Variants in SHROOM4 observed in about 807,000 individuals in gnomAD.
SHROOM4 encodes the protein shroom family member 4.
SHROOM4 carries 17 observed loss-of-function variants against 80.3 expected under a neutral mutation model. The observed-to-expected ratio is 0.21, with a 90% confidence interval of 0.14 to 0.32. The LOEUF is 0.32. Among genes scored for constraint, SHROOM4 ranks in the 10% least tolerant of loss-of-function variants. The pLI, the probability that SHROOM4 is intolerant of heterozygous loss-of-function variation, is 1.00. For missense variants in SHROOM4, 993 were observed against 1,140.3 expected (o/e 0.87, Z 1.86); for synonymous variants, 400 against 437.5 (o/e 0.91, Z 1.07).
At chrX:50,767,456 C>T (rs1935301445) in intron 1 of SHROOM4, among the ~76,000 whole-genome samples, 1 of 110,735 alleles carries the variant, frequency 9.0e-6, no homozygotes, top group African/African-American at 3.3e-5. Flanking sequence ...CTCAAACCCA[C>T]CCATCCTGCC....
intron 2 of SHROOM4, among the ~76,000 whole-genome samples, chrX:50,645,374 C>A (rs1557257774): frequency 8.9e-6 from 1 of 112,237 alleles, no homozygotes; most frequent in Non-Finnish European, 1.9e-5. Context: ...AGTGGCCCAG[C>A]CCATGCAAAC....
intron 2 of SHROOM4, among the ~76,000 whole-genome samples, chrX:50,654,133 A>G (rs782147976): frequency 8.9e-6 from 1 of 111,838 alleles, no homozygotes; most frequent in Non-Finnish European, 1.9e-5. Context: ...CTTAAAAAGT[A>G]TTTAGGTTCC....
At chrX:50,618,005 A>G (rs1160997042) in intron 5 of SHROOM4, among the ~76,000 whole-genome samples, 4 of 111,680 alleles carry the variant, frequency 3.6e-5, no homozygotes, top group African/African-American at 1.3e-4. Context: ...GGGGAGCAAA[A>G]CCAATGTTGC....
At chrX:50,656,181 C>A (rs1032186043) in intron 2 of SHROOM4, among the ~76,000 whole-genome samples, 2 of 111,613 alleles carry the variant, frequency 1.8e-5, no homozygotes, top group Non-Finnish European at 3.8e-5. Context: ...ATATGATTTG[C>A]AAATATTTTC....
At position 50,607,687 on chromosome X, in the gene SHROOM4, GCCTCCT is replaced by G. The variant is rs782326752; in HGVS notation, c.3449_3454del (p.Glu1150_Glu1151del). 2.5e-6 allele frequency: 3 copies of G among 1,179,495 alleles called. No individual in the cohort carries two copies. Among genetic ancestry groups the G allele is most frequent in the African/African-American group, 3.6e-5 (2 of 55,772 alleles). On this transcript the variant is annotated inframe_deletion, in exon 6 of 9. Transcript: ENST00000376020. ...TGGCAGCTCCTCTTCCTCCTCCTCT[GCCTCCT>G]CCTCCTCCTCTTCCTCTTCCTCTTC...
chrX:50,576,664 C>CCT, the SHROOM4 span, among the ~76,000 whole-genome samples: 1 of 110,555 alleles, frequency 9.0e-6, no homozygotes, highest in Admixed American at 9.7e-5. Context: ...TTTCATTTCT[C>CCT]TGTTTTATTT....
At chrX:50,628,368 T>C (rs781922952) in intron 4 of SHROOM4, among the ~76,000 whole-genome samples, 181 of 111,533 alleles carry the variant, frequency 1.6e-3, no homozygotes, top group African/African-American at 5.7e-3. Flanking sequence ...CTTTTTTTTT[T>C]CTAGGCCAAG....
At chrX:50,674,169 T>C (rs1932827846) in intron 2 of SHROOM4, among the ~76,000 whole-genome samples, 1 of 111,409 alleles carries the variant, frequency 9.0e-6, no homozygotes, top group African/African-American at 3.3e-5. Context: ...TAATCCTCTC[T>C]AAATGTTTAT....
At chrX:50,765,406 T>A (rs1557269262) in intron 1 of SHROOM4, among the ~76,000 whole-genome samples, 1 of 111,887 alleles carries the variant, frequency 8.9e-6, no homozygotes, top group Non-Finnish European at 1.9e-5. Context: ...TGTTTTCCCA[T>A]AACTGAATAT....
chrX:50,732,199 CA>C (rs1288134729), intron 1 of SHROOM4, among the ~76,000 whole-genome samples: 1 of 111,638 alleles, frequency 9.0e-6, no homozygotes, highest in Non-Finnish European at 1.9e-5. Flanking sequence ...ACAGTCATTC[CA>C]GGGTGATTGT....
intron 1 of SHROOM4, among the ~76,000 whole-genome samples, chrX:50,698,476 G>T: frequency 8.9e-6 from 1 of 111,884 alleles, no homozygotes; most frequent in Non-Finnish European, 1.9e-5. Context: ...TAATCCAAGA[G>T]TTCAGAAGGG....
At chrX:50,775,468 T>C (rs1569548884) in intron 1 of SHROOM4, among the ~76,000 whole-genome samples, 2 of 110,962 alleles carry the variant, frequency 1.8e-5, no homozygotes, top group African/African-American at 6.6e-5. Context: ...GGTTAACCAG[T>C]AGACAGTCCA....
chrX:50,621,247 A>C lies in SHROOM4; in HGVS notation c.2957+6367T>G, dbSNP rs1288503848. On this transcript the variant is annotated intron_variant, in intron 5 of 8. Transcript: ENST00000376020. ...TGTTTCCAGTGTGTCCTATATACTT[A>C]AAATAGCTTGAGTCTGTTTCTAGAA... Among the ~76,000 whole-genome samples, 4 of 112,122 alleles carry C rather than the reference A, an allele frequency of 3.6e-5. No homozygotes were observed. The Admixed American group carries it at 3.8e-4, about 11-fold the overall frequency.
At chrX:50,623,299 TG>T (rs1168501748) in intron 5 of SHROOM4, among the ~76,000 whole-genome samples, 1 of 111,415 alleles carries the variant, frequency 9.0e-6, no homozygotes, top group African/African-American at 3.3e-5. Context: ...GCGATTCTCC[TG>T]CCTCAGCCTC....
chrX:50,601,691 GACA>G (rs1430716221), intron 7 of SHROOM4, among the ~76,000 whole-genome samples: 1 of 111,855 alleles, frequency 8.9e-6, no homozygotes, highest in African/African-American at 3.3e-5. Flanking sequence ...GCTTTGGAAC[GACA>G]ACAACATCAT....
intron 3 of SHROOM4, among the ~76,000 whole-genome samples, chrX:50,637,890 A>C (rs782113099): frequency 8.9e-6 from 1 of 112,085 alleles, no homozygotes; most frequent in East Asian, 2.8e-4. Flanking sequence ...AGAGATACGG[A>C]GAAAGAACAG....
chrX:50,634,981 G>T lies in SHROOM4; in HGVS notation c.1092C>A (p.Thr364=). The T allele has an allele frequency of 8.2e-7, 1 of 1,212,125 alleles. No homozygotes were observed. Among genetic ancestry groups the T allele is most frequent in the Non-Finnish European group, 1.1e-6 (1 of 895,560 alleles). Residue 364 remains threonine (T), a synonymous_variant, in exon 4 of 9, where the codon ACC becomes ACA. Transcript: ENST00000376020. ...GSEHLLMQAS[T]KAVGSPKACD... is the part of the protein sequence containing the mutation. ...AGGCTTTTGGGGATCCAACAGCTTT[G>T]GTTGAGGCCTGCATCAGTAGATGCT...
chrX:50,696,675 C>T (rs1387224888), intron 1 of SHROOM4, among the ~76,000 whole-genome samples: 4 of 112,420 alleles, frequency 3.6e-5, no homozygotes, highest in East Asian at 2.8e-4. Context: ...GTCTCTTCAA[C>T]ATGTGCCCAG....
At chrX:50,754,649 A>G (rs1935000412) in intron 1 of SHROOM4, among the ~76,000 whole-genome samples, 1 of 111,045 alleles carries the variant, frequency 9.0e-6, no homozygotes, top group African/African-American at 3.3e-5. Context: ...GCTCAAATCA[A>G]TCAAAAGGTT....
Sources: allele counts gnomAD v4.1 joint callset (sites outside exome capture counted in the v4.1 genomes callset), GRCh38; gene constraint gnomAD v4.1.1; transcripts MANE v1.5; gene names NCBI Gene and HGNC (gene_info 2026-07-23, HGNC 2026-07-21).